MRTO4: variants seen among roughly 807,000 people sequenced by gnomAD.
MRTO4 encodes the protein MRT4 homolog, ribosome maturation factor.
MRTO4 carries 7 observed loss-of-function variants against 28.6 expected under a neutral mutation model. The observed-to-expected ratio is 0.24, with a 90% CI of 0.14 to 0.46. MRTO4 has a LOEUF of 0.46. Among genes scored for constraint, MRTO4 ranks in the 20% least tolerant of loss-of-function variants. MRTO4 has a pLI of 0.99. For synonymous variants in MRTO4, 113 were observed against 108.2 expected, an observed-to-expected ratio of 1.04 and a Z score of -0.27; for missense variants, 302 against 298.3, an observed-to-expected ratio of 1.01 and a Z score of -0.09.
chr1:19,258,999 A>C lies in MRTO4; in HGVS notation c.*169A>C. 1.8e-5 allele frequency: 15 copies of C among 829,256 alleles called. No individual in the cohort carries two copies. Among genetic ancestry groups the C allele is most frequent in the Non-Finnish European group, 2.3e-5 (13 of 555,044 alleles). The allele number at this position is 829,256 out of a possible 1,614,324, so 51.4% of individuals were successfully genotyped here. A position where few individuals can be genotyped will look rare whatever the true frequency, so the allele number is the denominator to read the frequency against. On this transcript the variant is annotated 3_prime_UTR_variant, in exon 8 of 8. Coordinates refer to ENST00000330263, the MANE Select transcript of MRTO4 (RefSeq NM_016183.4). ...AACTGTGGGCCGGGCGCGGTGGCTC[A>C]CGCCTGGAATCCCAGCACTTTGGGA...
intron 6 of MRTO4, 144 bp from the exon 7 acceptor site, chr1:19,258,333 C>T (rs1046523169): frequency 5.9e-6 from 6 of 1,015,078 alleles, no homozygotes; most frequent in South Asian, 2.8e-5. Context: ...TCAAAGGGAC[C>T]TCAGGGAGAC....
rs757079218 is a variant in MRTO4, at chr1:19,258,770, C to T, written c.660C>T (p.Asp220=). Residue 220 remains aspartate, a synonymous_variant, in exon 8 of 8, where the codon GAC becomes GAT. Coordinates refer to ENST00000330263, the MANE Select transcript of MRTO4 (RefSeq NM_016183.4). ...CGGGAAGGTTCCAGCAGATGGGAGACGACTTGCCAGAGAGCGCATCTGAGT... is the reference window on the plus strand; with the variant it reads ...CGGGAAGGTTCCAGCAGATGGGAGATGACTTGCCAGAGAGCGCATCTGAGT... ...SQSGRFQQMG[D]DLPESASEST... 4 of 1,614,014 alleles carry T rather than the reference C, an allele frequency of 2.5e-6. No homozygotes were observed. The highest frequency in any genetic ancestry group is 1.7e-5 in the Admixed American group (1 of 59,986).
intron 3 of MRTO4, 49 bp downstream of exon 3, chr1:19,256,100 G>A (rs765533994): frequency 3.2e-6 from 5 of 1,538,658 alleles, no homozygotes; most frequent in Non-Finnish European, 4.5e-6. Context: ...ACCCGGCCAG[G>A]CTGCTCTCAG....
intron 5 of MRTO4, 34 bp downstream of exon 5, chr1:19,257,555 G>T: frequency 6.2e-7 from 1 of 1,610,302 alleles, no homozygotes; most frequent in South Asian, 1.1e-5. Flanking sequence ...GGAAAGAGGC[G>T]GGTGAGAGGG....
chr1:19,253,032 G>T (rs1440639676), intron 1 of MRTO4, among the ~76,000 whole-genome samples: 1 of 152,176 alleles, frequency 6.6e-6, no homozygotes, highest in Non-Finnish European at 1.5e-5. Flanking sequence ...ATATTTAGGG[G>T]TCTGGCACTT....
chr1:19,258,493 G>A lies in MRTO4; in HGVS notation c.510G>A (p.Leu170=), dbSNP rs144805712. Reference sequence around the variant, plus strand: ...CTTCTGCAGGTGTGGTGACTCTGCTGTCTGACTACGAGGTGTGCAAGGAGG... The same window carrying A: ...CTTCTGCAGGTGTGGTGACTCTGCTATCTGACTACGAGGTGTGCAAGGAGG... ...TALKRGVVTL[L]SDYEVCKEGD... Residue 170 remains leucine (L), a synonymous_variant, in exon 7 of 8, where the codon CTG becomes CTA. Transcript: ENST00000330263. 73 of 1,614,008 alleles carry A rather than the reference G, an allele frequency of 4.5e-5. No homozygotes were observed. The African/African-American group carries it at 8.1e-4, about 18-fold the overall frequency.
chr1:19,255,072 T>A (rs568672112), intron 2 of MRTO4, among the ~76,000 whole-genome samples: 12 of 152,166 alleles, frequency 7.9e-5, no homozygotes, highest in Non-Finnish European at 1.6e-4. Flanking sequence ...TGTCCTGCAC[T>A]GTGTTTCTTA....
At chr1:19,257,695 T>C in intron 5 of MRTO4, 138 bp from the exon 6 acceptor site, 1 of 1,373,382 alleles carries the variant, frequency 7.3e-7, no homozygotes, top group Non-Finnish European at 1.0e-6. Context: ...AGCATGGTGC[T>C]CTGGGCTGGC....
At chr1:19,255,336 G>C (rs1429201076) in intron 2 of MRTO4, among the ~76,000 whole-genome samples, 1 of 146,502 alleles carries the variant, frequency 6.8e-6, no homozygotes, top group African/African-American at 2.5e-5. Flanking sequence ...TCTACAAAAA[G>C]AAAAGAAAAA....
intron 1 of MRTO4, 155 bp downstream of exon 1, chr1:19,252,018 G>A: frequency 8.7e-7 from 1 of 1,148,712 alleles, no homozygotes; most frequent in East Asian, 2.6e-5. Context: ...TGGGGGCTTC[G>A]GGGCTGTAAA....
At position 19,258,708 on chromosome 1, in the gene MRTO4, T is replaced by C. The variant is rs770809976; in HGVS notation, c.598T>C (p.Phe200Leu). The change falls in exon 8 of 8, where the codon TTC (phenylalanine) becomes CTC (leucine). Residue 200 changes from phenylalanine (F) to leucine (L), a missense_variant. Physicochemically the swap from Phe to Leu is conservative, Grantham distance 22. Transcript: ENST00000330263. ...LKLFGYEMAE[F>L]KVTIKYMWDS... The stretch of plus-strand genomic sequence containing the variant: ...GCTTTTTGGGTATGAGATGGCTGAA[T>C]TCAAGGTGACCATCAAATACATGTG... The C allele has an allele frequency of 3.7e-6, 6 of 1,614,196 alleles. No homozygotes were observed. The highest frequency in any genetic ancestry group is 5.1e-6 in the Non-Finnish European group (6 of 1,180,036).
chr1:19,253,074 G>A (rs2093665533), intron 1 of MRTO4, among the ~76,000 whole-genome samples: 1 of 152,204 alleles, frequency 6.6e-6, no homozygotes, highest in African/African-American at 2.4e-5. Context: ...CAGTCACAAG[G>A]AAAGCCTATT....
chr1:19,258,517 G>A lies in MRTO4; in HGVS notation c.534G>A (p.Glu178=). ...TLLSDYEVCK[E]GDVLTPEQAR... ...TGTCTGACTACGAGGTGTGCAAGGA[G>A]GGCGATGTGCTGACCCCAGAGCAGG... The change falls in exon 7 of 8, where the codon GAG becomes GAA. Residue 178 remains glutamate, a synonymous_variant. Transcript: ENST00000330263. 1 of 1,614,094 alleles carries A rather than the reference G, an allele frequency of 6.2e-7. No homozygotes were observed. The highest frequency in any genetic ancestry group is 8.5e-7 in the Non-Finnish European group (1 of 1,180,042).
chr1:19,258,942 C>A lies in MRTO4; in HGVS notation c.*112C>A. The A allele has an allele frequency of 2.4e-6, 3 of 1,276,414 alleles. No homozygotes were observed. Among genetic ancestry groups the A allele is most frequent in the Non-Finnish European group, 3.2e-6 (3 of 945,992 alleles). 79.1% of individuals were successfully genotyped at this position (1,276,414 alleles called of 1,614,324 possible). Reference sequence around the variant, plus strand: ...TTTTTATTTGTCTGTAGACAGGGAACATGATGGGCACTGACCTCCTGTAAA... The same window carrying A: ...TTTTTATTTGTCTGTAGACAGGGAAAATGATGGGCACTGACCTCCTGTAAA... On this transcript the variant is annotated 3_prime_UTR_variant, in exon 8 of 8. Transcript: ENST00000330263.
intron 1 of MRTO4, among the ~76,000 whole-genome samples, chr1:19,254,170 CGAG>C (rs1240085376): frequency 6.6e-6 from 1 of 152,098 alleles, no homozygotes; most frequent in Non-Finnish European, 1.5e-5. Context: ...CCCAGGAGTT[CGAG>C]ACCAACCTGG....
At position 19,258,884 on chromosome 1, in the gene MRTO4, CA is replaced by C. The variant is rs759899020; in HGVS notation, c.*55del. On this transcript the variant is annotated 3_prime_UTR_variant, in exon 8 of 8. Coordinates refer to ENST00000330263, the MANE Select transcript of MRTO4 (RefSeq NM_016183.4). ...AAGCTTCTGGGTCTCACTGGACCAT[CA>C]GGACTGCTGCCGCCCCTCTGGAGAG... 7.7e-5 allele frequency: 121 copies of C among 1,581,466 alleles called. No individual in the cohort carries two copies. The highest frequency in any genetic ancestry group is 1.0e-4 in the Non-Finnish European group (116 of 1,164,008).
At chr1:19,255,179 A>G (rs1355539885) in intron 2 of MRTO4, among the ~76,000 whole-genome samples, 1 of 151,924 alleles carries the variant, frequency 6.6e-6, no homozygotes, top group African/African-American at 2.4e-5. Flanking sequence ...GCTTACAGAG[A>G]TTTGTTAGCC....
In MRTO4 at chr1:19,258,754, T is replaced by G. The variant is rs1197937743; in HGVS notation, c.644T>G (p.Phe215Cys). The change falls in exon 8 of 8, where the codon TTC becomes TGC. Residue 215 changes from phenylalanine (F) to cysteine (C), a missense_variant. Physicochemically the swap from Phe to Cys is radical, Grantham distance 205. Transcript: ENST00000330263. Reference sequence around the variant, plus strand: ...ATGTGGGATTCACAGTCGGGAAGGTTCCAGCAGATGGGAGACGACTTGCCA... The same window carrying G: ...ATGTGGGATTCACAGTCGGGAAGGTGCCAGCAGATGGGAGACGACTTGCCA... ...KYMWDSQSGR[F>C]QQMGDDLPES... The G allele has an allele frequency of 4.3e-6, 7 of 1,614,022 alleles. No homozygotes were observed. The highest frequency in any genetic ancestry group is 1.1e-5 in the South Asian group (1 of 91,084).
Position 19,251,818 on chromosome 1 carries a change from G to T in MRTO4, c.-18G>T, listed in dbSNP as rs527500412. On this transcript the variant is annotated 5_prime_UTR_variant, in exon 1 of 8. Coordinates refer to ENST00000330263, the MANE Select transcript of MRTO4 (RefSeq NM_016183.4). ...CTAACGGGGTGCACCGTCTTCCGCC[G>T]CACGTGGATTCAGCGCGATGCCCAA... is the stretch of plus-strand genomic sequence containing the variant. 1 of 1,569,860 alleles carries T rather than the reference G, an allele frequency of 6.4e-7. No individual in the cohort carries two copies.
Sources: gnomAD v4.1 joint callset for allele counts (sites outside exome capture counted in the v4.1 genomes callset) on GRCh38, gnomAD v4.1.1 for gene constraint, MANE v1.5 for transcripts, NCBI Gene and HGNC (gene_info 2026-07-23, HGNC 2026-07-21) for gene names.